Variants in GPHN observed in about 807,000 individuals in gnomAD.
GPHN encodes the protein gephyrin.
In GPHN, 17 loss-of-function variants were observed where a neutral mutation model predicts 95.5. The ratio of observed to expected loss-of-function variants is 0.18; its 90% CI spans 0.12 to 0.27. The LOEUF (loss-of-function observed/expected upper bound fraction) is 0.27. Among genes scored for constraint, GPHN ranks in the 10% least tolerant of loss-of-function variants. GPHN has a pLI of 1.00. For synonymous variants in GPHN, 320 were observed against 322.5 expected (o/e 0.99, Z 0.08); for missense variants, 660 against 978.1 (o/e 0.67, Z 4.34).
the GPHN span, chr14:67,364,720 T>A: frequency 6.5e-7 from 1 of 1,532,084 alleles, no homozygotes; most frequent in Non-Finnish European, 8.8e-7. Context: ...TTTTTTTTAT[T>A]TTCACCTTAA....
In GPHN at chr14:67,101,873, T is replaced by TTTAC. The variant is rs1201064460; in HGVS notation, c.1293+965_1293+966insCTTA. ...TATTATTTATTTATTTATTTATTTA[T>TTTAC]TTATTTATTTATTTTTGAAACGTAG... On this transcript the variant is annotated intron_variant, in intron 13 of 22. Coordinates refer to ENST00000478722, the MANE Select transcript of GPHN (RefSeq NM_020806.5). Among the ~76,000 whole-genome samples the TTTAC allele has an allele frequency of 3.9e-3, 594 of 151,376 alleles. 7 individuals carry two copies. Among genetic ancestry groups the TTTAC allele is most frequent in the African/African-American group, 0.013 (556 of 41,330 alleles).
the GPHN span, among the ~76,000 whole-genome samples, chr14:67,222,996 G>A: frequency 7.0e-6 from 1 of 143,614 alleles, no homozygotes; most frequent in East Asian, 2.1e-4. Context: ...CCTTCCCATT[G>A]GGCTTTTTTT....
At chr14:66,569,342 C>A (rs1033004725) in intron 1 of GPHN, among the ~76,000 whole-genome samples, 1 of 152,078 alleles carries the variant, frequency 6.6e-6, no homozygotes, top group Non-Finnish European at 1.5e-5. Context: ...GATACCCTTC[C>A]TCTTTAACAC....
chr14:66,563,115 A>G (rs2060332303), intron 1 of GPHN, among the ~76,000 whole-genome samples: 1 of 150,450 alleles, frequency 6.6e-6, no homozygotes, highest in African/African-American at 2.4e-5. Flanking sequence ...GTATAAATAT[A>G]TAATCTATGA....
chr14:66,627,833 A>G (rs1001078540), intron 1 of GPHN, among the ~76,000 whole-genome samples: 34 of 152,098 alleles, frequency 2.2e-4, no homozygotes, highest in Non-Finnish European at 5.9e-5. Context: ...TGCTTTCACT[A>G]ATAATGGTGT....
At chr14:67,195,249 G>A in the GPHN span, among the ~76,000 whole-genome samples, 1 of 152,184 alleles carries the variant, frequency 6.6e-6, no homozygotes, top group African/African-American at 2.4e-5. Flanking sequence ...CAAAAAGGAA[G>A]AGGGGCGAGA....
At chr14:67,286,944 G>A in the GPHN span, among the ~76,000 whole-genome samples, 22 of 151,938 alleles carry the variant, frequency 1.4e-4, no homozygotes, top group South Asian at 4.2e-4. Flanking sequence ...ATGGCTGCGC[G>A]TGGTGGCTCA....
intron 20 of GPHN, among the ~76,000 whole-genome samples, chr14:67,166,365 C>G (rs1358624182): frequency 6.6e-6 from 1 of 152,120 alleles, no homozygotes; most frequent in Non-Finnish European, 1.5e-5. Flanking sequence ...CCTGGAAGAG[C>G]CTCTTTTGTC....
intron 2 of GPHN, among the ~76,000 whole-genome samples, chr14:66,734,318 C>T (rs1300589583): frequency 1.3e-5 from 2 of 151,994 alleles, no homozygotes; most frequent in African/African-American, 4.8e-5. Context: ...TATTTTTCTC[C>T]TCACTCTCTT....
chr14:66,660,451 T>C (rs2153374138), intron 1 of GPHN, among the ~76,000 whole-genome samples: 1 of 152,354 alleles, frequency 6.6e-6, no homozygotes, highest in Non-Finnish European at 1.5e-5. Context: ...TTGCTTACTT[T>C]ATGTTTAGAA....
the GPHN span, among the ~76,000 whole-genome samples, chr14:67,397,398 C>T: frequency 3.3e-5 from 5 of 152,202 alleles, no homozygotes; most frequent in African/African-American, 9.7e-5. Context: ...TACACCGTGA[C>T]CTTCATGGTC....
chr14:67,572,290 A>ACGGGCGG, the GPHN span: 2 of 1,577,258 alleles, frequency 1.3e-6, no homozygotes, highest in Non-Finnish European at 1.7e-6. Context: ...GAGCCGGGAA[A>ACGGGCGG]CGGGCGGGGG....
intron 3 of GPHN, among the ~76,000 whole-genome samples, chr14:66,816,719 G>T (rs183717337): frequency 1.3e-5 from 2 of 152,108 alleles, no homozygotes; most frequent in African/African-American, 4.8e-5. Flanking sequence ...CCAGTTAACA[G>T]TCTAACATCA....
intron 1 of GPHN, among the ~76,000 whole-genome samples, chr14:66,613,326 A>G (rs1361913737): frequency 6.6e-6 from 1 of 152,122 alleles, no homozygotes; most frequent in East Asian, 1.9e-4. Flanking sequence ...TCCTTAAGGC[A>G]CACCACAGCC....
chr14:67,514,112 A>G, the GPHN span, among the ~76,000 whole-genome samples: 4 of 152,152 alleles, frequency 2.6e-5, no homozygotes, highest in African/African-American at 9.7e-5. Context: ...AGAGCCCCCA[A>G]GGTTACACCA....
In GPHN at chr14:66,581,197, C is replaced by T. The variant is rs117062792; in HGVS notation, c.64+72606C>T. ...TCATATATGATAGGCCCAAAATTAA[C>T]GTCATACTCAACAGTAGGAAGGTGA... On this transcript the variant is annotated intron_variant, in intron 1 of 22. Coordinates refer to ENST00000478722, the MANE Select transcript of GPHN (RefSeq NM_020806.5). Among the ~76,000 whole-genome samples the T allele has an allele frequency of 3.1e-3, 459 of 146,842 alleles. 1 individual carries two copies. Among genetic ancestry groups the T allele is most frequent in the South Asian group, 6.0e-3 (28 of 4,660 alleles).
chr14:67,057,606 A>T (rs1211303908), intron 10 of GPHN, among the ~76,000 whole-genome samples: 1 of 152,164 alleles, frequency 6.6e-6, no homozygotes, highest in Non-Finnish European at 1.5e-5. Context: ...TAAGTAAAAT[A>T]AAAAAATAAA....
intron 2 of GPHN, among the ~76,000 whole-genome samples, chr14:66,762,743 T>C (rs150280820): frequency 1.2e-4 from 18 of 152,270 alleles, no homozygotes; most frequent in Non-Finnish European, 1.9e-4. Flanking sequence ...TTCTCTTTTC[T>C]TCCCGAGTAA....
At chr14:66,805,278 C>T (rs753348088) in intron 3 of GPHN, among the ~76,000 whole-genome samples, 3 of 152,158 alleles carry the variant, frequency 2.0e-5, no homozygotes, top group Non-Finnish European at 4.4e-5. Flanking sequence ...GAAAAACCTG[C>T]CCCCATGATT....
Sources: allele counts gnomAD v4.1 joint callset (sites outside exome capture counted in the v4.1 genomes callset), GRCh38; gene constraint gnomAD v4.1.1; transcripts MANE v1.5; gene names NCBI Gene and HGNC (gene_info 2026-07-23, HGNC 2026-07-21).